PCDHGB6: variants seen among roughly 807,000 people sequenced by gnomAD.
The protein encoded by PCDHGB6 is protocadherin gamma-B6.
Under a neutral mutation model 59.1 loss-of-function variants are expected in PCDHGB6, and 51 were observed. The observed-to-expected ratio is 0.86, with a 90% CI of 0.69 to 1.09. PCDHGB6 has a LOEUF of 1.09. Among genes scored for constraint, PCDHGB6 ranks in the 50% least tolerant of loss-of-function variants. The pLI is 0.00. For synonymous variants in PCDHGB6, 466 were observed against 495.1 expected, an observed-to-expected ratio of 0.94 and a Z score of 0.78; for missense variants, 1,148 against 1,205.1, an observed-to-expected ratio of 0.95 and a Z score of 0.70.
At chr5:141,451,185 T>C (rs900513875) in intron 1 of PCDHGB6, among the ~76,000 whole-genome samples, 1 of 152,182 alleles carries the variant, frequency 6.6e-6, no homozygotes, top group Non-Finnish European at 1.5e-5. Context: ...GCCATTGCTG[T>C]GTAACAAATT....
At chr5:141,501,570 G>C (rs1251110101) in intron 2 of PCDHGB6, among the ~76,000 whole-genome samples, 1 of 151,996 alleles carries the variant, frequency 6.6e-6, no homozygotes, top group African/African-American at 2.4e-5. Flanking sequence ...ATCATATTAG[G>C]CTGGCTTTCA....
chr5:141,456,984 C>G (rs374156327), intron 1 of PCDHGB6, among the ~76,000 whole-genome samples: 1 of 152,200 alleles, frequency 6.6e-6, no homozygotes, highest in East Asian at 1.9e-4. Flanking sequence ...AACAAACAAA[C>G]AAACAAAAAC....
chr5:141,469,103 C>A (rs949254605), intron 1 of PCDHGB6, among the ~76,000 whole-genome samples: 2 of 151,844 alleles, frequency 1.3e-5, no homozygotes, highest in African/African-American at 2.4e-5. Context: ...AAAGCAAGAA[C>A]CTGTCTCTAA....
intron 1 of PCDHGB6, chr5:141,417,903 A>G (rs2096184376): frequency 1.3e-6 from 2 of 1,590,930 alleles, no homozygotes; most frequent in Non-Finnish European, 8.6e-7. Flanking sequence ...GGCCCGCGGC[A>G]GGTACTATTT....
intron 1 of PCDHGB6, among the ~76,000 whole-genome samples, chr5:141,437,145 T>C (rs191316470): frequency 3.9e-5 from 6 of 152,364 alleles, no homozygotes; most frequent in Admixed American, 3.9e-4. Flanking sequence ...GGATTCATAA[T>C]TAACATATGT....
At position 141,431,110 on chromosome 5, in the gene PCDHGB6, T is replaced by G; in HGVS notation, c.2418+20490T>G. 1.2e-6 allele frequency: 2 copies of G among 1,614,168 alleles called. No individual in the cohort carries two copies. The highest frequency in any genetic ancestry group is 1.7e-6 in the Non-Finnish European group (2 of 1,180,012). On this transcript the variant is annotated intron_variant, in intron 1 of 3. Transcript: ENST00000520790. This position sits in a 1 kb window ranked among gnomAD's most constrained non-coding sequence, Gnocchi z 4.8. Reference sequence around the variant, plus strand: ...TGATGGAGGATAAAGTGAAAATATATGGAGTAGAAGTAGAAGTAAGGGACA... The same window carrying G: ...TGATGGAGGATAAAGTGAAAATATAGGGAGTAGAAGTAGAAGTAAGGGACA...
At chr5:141,499,689 CTTTTTTTTTTT>C in intron 2 of PCDHGB6, among the ~76,000 whole-genome samples, 1 of 119,852 alleles carries the variant, frequency 8.3e-6, no homozygotes, top group Non-Finnish European at 1.7e-5. Context: ...TAACAGATGA[CTTTTTTTTTTT>C]TTTTTTTTTT....
At chr5:141,456,593 G>C (rs917316601) in intron 1 of PCDHGB6, among the ~76,000 whole-genome samples, 2 of 152,168 alleles carry the variant, frequency 1.3e-5, no homozygotes, top group African/African-American at 4.8e-5. Flanking sequence ...CAATAATTTT[G>C]ATTTGATTTT....
In PCDHGB6 at chr5:141,431,643, A is replaced by G. The variant is rs528599572; in HGVS notation, c.2418+21023A>G. Reference sequence around the variant, plus strand: ...AAGGCGGCCCAAGTTTTCAAACTAGATTGTAATTCAGGGACAATATCAACA... The same window carrying G: ...AAGGCGGCCCAAGTTTTCAAACTAGGTTGTAATTCAGGGACAATATCAACA... On this transcript the variant is annotated intron_variant, in intron 1 of 3. Coordinates refer to ENST00000520790, the MANE Select transcript of PCDHGB6 (RefSeq NM_018926.3). The surrounding 1 kb of genome is among the most constrained non-coding windows in gnomAD (Gnocchi z 4.8). 5.0e-5 allele frequency: 81 copies of G among 1,614,240 alleles called. No individual in the cohort carries two copies. In the South Asian group the frequency reaches 7.4e-4, roughly 15 times the overall value.
rs1340590903 is a variant in PCDHGB6, at chr5:141,432,842, G to A, written c.2418+22222G>A. On this transcript the variant is annotated intron_variant, in intron 1 of 3. Coordinates refer to ENST00000520790, the MANE Select transcript of PCDHGB6 (RefSeq NM_018926.3). This position sits in a 1 kb window ranked among gnomAD's most constrained non-coding sequence, Gnocchi z 6.0. ...CTCAGACCTCACTCTGTACCTGGTG[G>A]TAGCGGTGGCCGCGGTCTCCTGCGT... 5 of 1,614,192 alleles carry A rather than the reference G, an allele frequency of 3.1e-6. No individual in the cohort carries two copies. The South Asian group carries it at 4.4e-5, about 14-fold the overall frequency.
chr5:141,440,464 G>A (rs2003094), intron 1 of PCDHGB6: 3,293 of 152,144 alleles, frequency 0.022, 52 homozygotes, highest in South Asian at 0.038. Context: ...ATGAACAAAC[G>A]GTAGTTGAAA....
intron 1 of PCDHGB6, among the ~76,000 whole-genome samples, chr5:141,446,882 G>A (rs1419213225): frequency 1.3e-5 from 2 of 152,086 alleles, no homozygotes; most frequent in African/African-American, 4.8e-5. Flanking sequence ...TATGTTTTGG[G>A]GTTCATGGCT....
At chr5:141,449,022 A>G (rs2154562454) in intron 1 of PCDHGB6, among the ~76,000 whole-genome samples, 1 of 152,312 alleles carries the variant, frequency 6.6e-6, no homozygotes, top group Admixed American at 6.5e-5. Context: ...GTTGCTTAGC[A>G]TTCCTTTGGA....
In PCDHGB6 at chr5:141,477,028, G is replaced by A. The variant is rs1015508317; in HGVS notation, c.2419-17779G>A. On this transcript the variant is annotated intron_variant, in intron 1 of 3. Coordinates refer to ENST00000520790, the MANE Select transcript of PCDHGB6 (RefSeq NM_018926.3). The surrounding 1 kb of genome is among the most constrained non-coding windows in gnomAD (Gnocchi z 4.9). ...CCTTAGACCTTGTAACCGGGATGCT[G>A]ACAATCAAGGGTCGGCTGGACTTCG... The A allele has an allele frequency of 2.5e-6, 4 of 1,614,146 alleles. No homozygotes were observed. The highest frequency in any genetic ancestry group is 1.7e-5 in the Admixed American group (1 of 60,018).
At chr5:141,443,055 C>G (rs994152277) in intron 1 of PCDHGB6, among the ~76,000 whole-genome samples, 1 of 152,208 alleles carries the variant, frequency 6.6e-6, no homozygotes, top group Non-Finnish European at 1.5e-5. Flanking sequence ...TATTGTTCCA[C>G]TGAAGAGCGT....
rs368884524 is a variant in PCDHGB6 at position 141,409,933 on chromosome 5, G to A, written c.1731G>A (p.Met577Ile). Residue 577 changes from methionine to isoleucine, a missense_variant, in exon 1 of 4, where the codon ATG (methionine) becomes ATA (isoleucine). Physicochemically the swap from Met to Ile is conservative, Grantham distance 10. Coordinates refer to ENST00000520790, the MANE Select transcript of PCDHGB6 (RefSeq NM_018926.3). ...CTGACGGCTCCGCGTTCTTCGATAT[G>A]GTACCTCGCTCTGCAGAGCCCGGCT... ...LGPDGSAFFD[M>I]VPRSAEPGYL... 50 of 1,613,236 alleles carry A rather than the reference G, an allele frequency of 3.1e-5. No homozygotes were observed. The highest frequency in any genetic ancestry group is 4.1e-5 in the Non-Finnish European group (48 of 1,179,790).
At position 141,512,133 on chromosome 5, in the gene PCDHGB6, G is replaced by C. The variant is rs1394116556; in HGVS notation, c.*960G>C. 1 of 152,708 alleles carries C rather than the reference G, an allele frequency of 6.5e-6. No homozygotes were observed. Among genetic ancestry groups the C allele is most frequent in the Non-Finnish European group, 1.5e-5 (1 of 68,102 alleles). The allele number at this position is 152,708 out of a possible 1,614,324, so 9.5% of individuals were successfully genotyped here. On this transcript the variant is annotated 3_prime_UTR_variant, in exon 4 of 4. Transcript: ENST00000520790. ...CCACTACATAATAGGGCTCAGCCCA[G>C]GCAGCCAGCTTTGGGCTGAGCTAAC...
intron 3 of PCDHGB6, among the ~76,000 whole-genome samples, chr5:141,509,907 C>T (rs149338646): frequency 3.3e-5 from 5 of 152,182 alleles, no homozygotes; most frequent in South Asian, 2.1e-4. Context: ...TTCCAGCATG[C>T]GCTTAGGTAC....
At chr5:141,424,723 T>A (rs2096836963) in intron 1 of PCDHGB6, 2 of 152,144 alleles carry the variant, frequency 1.3e-5, no homozygotes, top group African/African-American at 4.8e-5. Context: ...TAGTTGGGAG[T>A]CATAGATTCC....
Sources: gnomAD v4.1 joint callset for allele counts (sites outside exome capture counted in the v4.1 genomes callset) on GRCh38, gnomAD v4.1.1 for gene constraint, Gnocchi (gnomAD v3.1) non-coding constraint, MANE v1.5 for transcripts, NCBI Gene and HGNC (gene_info 2026-07-23, HGNC 2026-07-21) for gene names.